Variants in PRDX3 observed in about 807,000 individuals in gnomAD.
PRDX3 encodes peroxiredoxin 3.
PRDX3 carries 20 observed loss-of-function variants against 30.4 expected under a neutral mutation model. The ratio of observed to expected loss-of-function variants is 0.66; its 90% CI spans 0.46 to 0.96. The LOEUF (loss-of-function observed/expected upper bound fraction) is 0.96, where lower values mean the gene tolerates loss of function less well. Among genes scored for constraint, PRDX3 ranks in the 40% least tolerant of loss-of-function variants. The pLI, the probability that PRDX3 is intolerant of heterozygous loss-of-function variation, is 0.00. For missense variants in PRDX3, 322 were observed against 318.3 expected (o/e 1.01, Z -0.09); for synonymous variants, 124 against 117.8 (o/e 1.05, Z -0.34).
At position 119,169,222 on chromosome 10, in the gene PRDX3, T is replaced by A. The variant is rs149818361; in HGVS notation, c.672A>T (p.Thr224=). 2.8e-4 allele frequency: 456 copies of A among 1,613,032 alleles called. No homozygotes were observed. The highest frequency in any genetic ancestry group is 3.7e-4 in the Non-Finnish European group (432 of 1,180,020). The change falls in exon 6 of 7, where the codon ACA becomes ACT. Residue 224 remains threonine (T), a synonymous_variant. Transcript: ENST00000298510. ...AGTTCGCTGGGCAGACTTCTCCATGTGTTTCTACATACTGGAACGCCTTCA... is the reference window on the plus strand; with the variant it reads ...AGTTCGCTGGGCAGACTTCTCCATGAGTTTCTACATACTGGAACGCCTTCA... ...RLVKAFQYVE[T]HGEVCPANWT... is the part of the protein sequence containing the mutation.
intron 2 of PRDX3, 185 bp from the exon 3 acceptor site, chr10:119,174,777 T>C (rs1847988643): frequency 3.9e-6 from 2 of 511,744 alleles, no homozygotes; most frequent in Non-Finnish European, 6.7e-6. Context: ...GGTTCTAGGA[T>C]ATCGAAATCT....
In PRDX3 at chr10:119,177,112, G is replaced by T; in HGVS notation, c.78C>A (p.Ala26=). 6.2e-7 allele frequency: 1 copy of T among 1,613,630 alleles called. No individual in the cohort carries two copies. ...HVSAIPWGIS[A]TAALRPAACG... ...ATGCAGCAGGCCTGAGGGCTGCAGT[G>T]GCAGAAATGCCCCAAGGAATGGCAC... Residue 26 remains alanine, a synonymous_variant, in exon 2 of 7, where the codon GCC becomes GCA. Transcript: ENST00000298510.
chr10:119,171,890 C>CCCCTT (rs1847916156), intron 5 of PRDX3, among the ~76,000 whole-genome samples: 1 of 152,184 alleles, frequency 6.6e-6, no homozygotes, highest in African/African-American at 2.4e-5. Context: ...CTGCTAGTCC[C>CCCCTT]CCCTTCTGCA....
In PRDX3 at chr10:119,177,113, G is replaced by A. The variant is rs1317502989; in HGVS notation, c.77C>T (p.Ala26Val). Residue 26 changes from alanine to valine, a missense_variant, in exon 2 of 7, where the codon GCC becomes GTC. By Grantham distance (64) the Ala-to-Val change is moderately conservative (BLOSUM62 0). Transcript: ENST00000298510. ...HVSAIPWGIS[A>V]TAALRPAACG... ...TGCAGCAGGCCTGAGGGCTGCAGTG[G>A]CAGAAATGCCCCAAGGAATGGCACT... 7.4e-6 allele frequency: 12 copies of A among 1,613,574 alleles called. No individual in the cohort carries two copies. In the South Asian group the frequency reaches 9.9e-5, roughly 13 times the overall value.
chr10:119,173,736 C>G lies in PRDX3; in HGVS notation c.447+1G>C, dbSNP rs759406521. ...CAAAAGCTAGGGGTACAATGCCATA[C>G]CTTTCTTGGTGTATTTATCCAGGCA... On this transcript the variant is annotated splice_donor_variant, in intron 4 of 6. Transcript: ENST00000298510. LOFTEE classifies it high-confidence loss of function. The G allele has an allele frequency of 8.1e-6, 13 of 1,611,358 alleles. No homozygotes were observed. The highest frequency in any genetic ancestry group is 1.1e-5 in the Non-Finnish European group (13 of 1,179,672).
intron 5 of PRDX3, among the ~76,000 whole-genome samples, chr10:119,171,681 T>C (rs1266247742): frequency 1.3e-5 from 2 of 152,208 alleles, no homozygotes; most frequent in African/African-American, 4.8e-5. Context: ...GTGTCACTAT[T>C]TAATCCTCAC....
At chr10:119,173,609 C>CAAAA (rs982971792) in intron 4 of PRDX3, 128 bp downstream of exon 4, 152 of 958,510 alleles carry the variant, frequency 1.6e-4, no homozygotes, top group Middle Eastern at 3.7e-4. Context: ...AGCTCCGTCT[C>CAAAA]AAAAAAAAAA....
intron 4 of PRDX3, 102 bp from the exon 5 acceptor site, chr10:119,172,587 G>C: frequency 1.3e-5 from 13 of 976,190 alleles, no homozygotes; most frequent in Non-Finnish European, 2.1e-5. Context: ...ATAGGTAACA[G>C]TAATTCAACA....
intron 5 of PRDX3, 68 bp downstream of exon 5, chr10:119,172,314 T>C (rs1847923630): frequency 7.5e-7 from 1 of 1,328,782 alleles, no homozygotes; most frequent in African/African-American, 1.4e-5. Flanking sequence ...TCTACATAAA[T>C]CCCCTAAGAA....
chr10:119,177,138 T>C lies in PRDX3; in HGVS notation c.52A>G (p.Ser18Gly). The part of the protein sequence containing the change: ...LLRASVARHV[S>G]AIPWGISATA... ...GCAGAAATGCCCCAAGGAATGGCAC[T>C]CACATGTCGGGCAACCTGGAAAGAG... The change falls in exon 2 of 7, where the codon AGT becomes GGT. Residue 18 changes from serine (S) to glycine (G), a missense_variant. Ser to Gly is a moderately conservative substitution (Grantham distance 56). Transcript: ENST00000298510. 1 of 1,613,286 alleles carries C rather than the reference T, an allele frequency of 6.2e-7. No individual in the cohort carries two copies. The highest frequency in any genetic ancestry group is 8.5e-7 in the Non-Finnish European group (1 of 1,179,862).
Position 119,173,798 on chromosome 10 carries a change from A to G in PRDX3, c.386T>C (p.Val129Ala), listed in dbSNP as rs202067297. Reference protein sequence around the residue: ...ANEFHDVNCEVVAVSVDSHFS... With the variant: ...ANEFHDVNCEAVAVSVDSHFS... ...GTGGGAATCCACTGAGACTGCGACAACTTCACAGTTCACGTCGTGAAATTC... is the reference window on the plus strand; with the variant it reads ...GTGGGAATCCACTGAGACTGCGACAGCTTCACAGTTCACGTCGTGAAATTC... Residue 129 changes from valine (V) to alanine (A), a missense_variant, in exon 4 of 7, where the codon GTT becomes GCT. Physicochemically the swap from Val to Ala is moderately conservative, Grantham distance 64. Coordinates refer to ENST00000298510, the MANE Select transcript of PRDX3 (RefSeq NM_006793.5). The G allele has an allele frequency of 1.1e-5, 18 of 1,612,756 alleles. No individual in the cohort carries two copies. In the Admixed American group the frequency reaches 2.5e-4, roughly 22 times the overall value.
chr10:119,174,715 G>A (rs1237506686), intron 2 of PRDX3, 123 bp from the exon 3 acceptor site: 11 of 991,512 alleles, frequency 1.1e-5, no homozygotes, highest in Non-Finnish European at 1.6e-5. Context: ...AAAACATTCG[G>A]TTCAACTGTA....
intron 4 of PRDX3, 79 bp downstream of exon 4, chr10:119,173,658 T>C: frequency 1.4e-6 from 2 of 1,469,724 alleles, no homozygotes; most frequent in South Asian, 1.3e-5. Context: ...TTGATCTTGA[T>C]AGTCCAGCAG....
chr10:119,173,541 G>A (rs773636888), intron 4 of PRDX3, among the ~76,000 whole-genome samples, 196 bp downstream of exon 4: 13 of 151,842 alleles, frequency 8.6e-5, no homozygotes, highest in South Asian at 2.1e-4. Context: ...CCCAGGTGGC[G>A]GAGGTTGCAG....
chr10:119,176,961 A>G, intron 2 of PRDX3, 60 bp downstream of exon 2: 1 of 1,605,894 alleles, frequency 6.2e-7, no homozygotes, highest in Non-Finnish European at 8.5e-7. Context: ...GCCCCTGTCC[A>G]GAGACGATGG....
At chr10:119,172,261 T>C (rs1283453716) in intron 5 of PRDX3, 121 bp downstream of exon 5, 3 of 841,122 alleles carry the variant, frequency 3.6e-6, no homozygotes, top group African/African-American at 1.7e-5. Context: ...TGAGCCACCA[T>C]GCCCAGCCAG....
chr10:119,172,621 A>G (rs1847932353), intron 4 of PRDX3, 136 bp from the exon 5 acceptor site: 3 of 746,126 alleles, frequency 4.0e-6, no homozygotes, highest in Middle Eastern at 2.3e-4. Context: ...TGCTTACTCT[A>G]TTAACCTACT....
chr10:119,168,582 T>A, intron 6 of PRDX3, 49 bp from the exon 7 acceptor site: 1 of 1,607,742 alleles, frequency 6.2e-7, no homozygotes, highest in African/African-American at 1.3e-5. Flanking sequence ...ACCATAATAA[T>A]AGTCCCAAAA....
chr10:119,170,482 A>G (rs867087424), intron 5 of PRDX3: 1 of 152,242 alleles, frequency 6.6e-6, no homozygotes. Flanking sequence ...CTGCAAAATT[A>G]GTGAGTTCTC....
Sources: gnomAD v4.1 joint callset for allele counts (sites outside exome capture counted in the v4.1 genomes callset) on GRCh38, gnomAD v4.1.1 for gene constraint, MANE v1.5 for transcripts, NCBI Gene and HGNC (gene_info 2026-07-23, HGNC 2026-07-21) for gene names.